Variants in LUZP2 observed in about 807,000 individuals in gnomAD.
The protein encoded by LUZP2 is leucine zipper protein 2.
Under a neutral mutation model 51.6 loss-of-function variants are expected in LUZP2, and 52 were observed. That is an observed-to-expected ratio of 1.01 (90% confidence interval 0.81 to 1.27). The LOEUF (loss-of-function observed/expected upper bound fraction) is 1.27, where lower values mean the gene tolerates loss of function less well. Among genes scored for constraint, LUZP2 ranks in the 50% most tolerant of loss-of-function variants. The probability of loss-of-function intolerance (pLI) is 0.00; values close to 1 mark genes in which losing one functional copy is unlikely to be tolerated. For synonymous variants in LUZP2, 154 were observed against 137.3 expected, an observed-to-expected ratio of 1.12 and a Z score of -0.85; for missense variants, 436 against 395.4, an observed-to-expected ratio of 1.10 and a Z score of -0.87.
chr11:24,681,511 A>G (rs1856736604), intron 1 of LUZP2, among the ~76,000 whole-genome samples: 1 of 152,160 alleles, frequency 6.6e-6, no homozygotes, highest in African/African-American at 2.4e-5. Context: ...TTCCTCATGC[A>G]TAGGAGACAG....
intron 9 of LUZP2, among the ~76,000 whole-genome samples, chr11:25,044,219 ATGTG>A (rs1239215311): frequency 9.4e-6 from 1 of 106,452 alleles, no homozygotes; most frequent in African/African-American, 3.6e-5. Context: ...GTATATATAT[ATGTG>A]TGTGTATGTG....
chr11:24,669,465 C>G (rs1210876254), intron 1 of LUZP2, among the ~76,000 whole-genome samples: 1 of 152,036 alleles, frequency 6.6e-6, no homozygotes, highest in South Asian at 2.1e-4. Flanking sequence ...TTTTATAGAA[C>G]TAACCTTTGG....
chr11:24,549,554 C>G (rs1851662423), intron 1 of LUZP2, among the ~76,000 whole-genome samples: 1 of 152,030 alleles, frequency 6.6e-6, no homozygotes, highest in Non-Finnish European at 1.5e-5. Flanking sequence ...CTATACATAA[C>G]TGTATGTGCA....
intron 1 of LUZP2, among the ~76,000 whole-genome samples, chr11:24,534,684 A>C (rs148840999): frequency 2.3e-4 from 35 of 151,600 alleles, no homozygotes; most frequent in African/African-American, 8.2e-4. Flanking sequence ...TAAATTCCTT[A>C]GCAGACTTAT....
At chr11:24,613,458 T>C (rs1233307265) in intron 1 of LUZP2, among the ~76,000 whole-genome samples, 5 of 152,072 alleles carry the variant, frequency 3.3e-5, no homozygotes, top group Non-Finnish European at 5.9e-5. Context: ...AATGAGCATA[T>C]GTAGTTAAAT....
intron 1 of LUZP2, among the ~76,000 whole-genome samples, chr11:24,640,835 A>G (rs1050306738): frequency 6.6e-6 from 1 of 151,876 alleles, no homozygotes; most frequent in African/African-American, 2.4e-5. Context: ...ATTTATTTCT[A>G]GCAAAATGAA....
At chr11:24,576,499 G>T (rs959116708) in intron 1 of LUZP2, among the ~76,000 whole-genome samples, 3 of 150,910 alleles carry the variant, frequency 2.0e-5, no homozygotes, top group East Asian at 1.9e-4. Context: ...AATCTAAAAG[G>T]TTTACTTGAT....
intron 1 of LUZP2, among the ~76,000 whole-genome samples, chr11:24,530,633 T>G (rs1326364619): frequency 6.6e-6 from 1 of 150,894 alleles, no homozygotes; most frequent in African/African-American, 2.4e-5. Flanking sequence ...TTGTCTCACT[T>G]TCATTATACA....
chr11:25,006,078 G>C (rs1211123564), intron 9 of LUZP2, among the ~76,000 whole-genome samples: 1 of 142,878 alleles, frequency 7.0e-6, no homozygotes, highest in East Asian at 2.0e-4. Flanking sequence ...TCTGAGAAGG[G>C]ATCCTAAAAT....
chr11:24,595,659 A>T (rs1853418830), intron 1 of LUZP2, among the ~76,000 whole-genome samples: 1 of 152,232 alleles, frequency 6.6e-6, no homozygotes, highest in Non-Finnish European at 1.5e-5. Flanking sequence ...CAAAAGCAAG[A>T]TCATAGCTAT....
At position 25,050,147 on chromosome 11, in the gene LUZP2, A is replaced by G. The variant is rs773996650; in HGVS notation, c.858+17A>G. The G allele has an allele frequency of 3.9e-6, 6 of 1,529,962 alleles. No individual in the cohort carries two copies. Among genetic ancestry groups the G allele is most frequent in the Non-Finnish European group, 9.0e-7 (1 of 1,116,482 alleles). 94.8% of individuals were successfully genotyped at this position (1,529,962 alleles called of 1,614,324 possible). A position where few individuals can be genotyped will look rare whatever the true frequency, so the allele number is the denominator to read the frequency against. On this transcript the variant is annotated intron_variant, in intron 10 of 11. Coordinates refer to ENST00000336930, the MANE Select transcript of LUZP2 (RefSeq NM_001009909.4). ...TCTCAAGATGTAAGAAAAACTTAAG[A>G]TGCTTTTTACAGTATTAGACAGGAG...
chr11:24,831,375 A>T (rs986065978), intron 5 of LUZP2, among the ~76,000 whole-genome samples: 31 of 152,170 alleles, frequency 2.0e-4, no homozygotes, highest in Admixed American at 1.6e-3. Context: ...CTTCTGTAGG[A>T]CTTCTTCTTG....
chr11:24,792,493 T>C (rs1181405948), intron 5 of LUZP2, among the ~76,000 whole-genome samples: 1 of 152,096 alleles, frequency 6.6e-6, no homozygotes, highest in Non-Finnish European at 1.5e-5. Context: ...ATTGGACACG[T>C]ACTCTATGTG....
chr11:24,759,246 A>G (rs1040364086), intron 4 of LUZP2, among the ~76,000 whole-genome samples: 1 of 152,110 alleles, frequency 6.6e-6, no homozygotes, highest in Non-Finnish European at 1.5e-5. Flanking sequence ...CAAGCTTTGA[A>G]TCTCATTAAA....
At position 24,883,356 on chromosome 11, in the gene LUZP2, A is replaced by G. The variant is rs144098126; in HGVS notation, c.397-22635A>G. Among the ~76,000 whole-genome samples the G allele has an allele frequency of 1.1e-3, 159 of 138,338 alleles. 2 individuals are homozygous for G. The South Asian group carries it at 0.012, about 10-fold the overall frequency. 90.8% of individuals were successfully genotyped at this position (138,338 alleles called of 152,430 possible). A position where few individuals can be genotyped will look rare whatever the true frequency, so the allele number is the denominator to read the frequency against. On this transcript the variant is annotated intron_variant, in intron 5 of 11. Coordinates refer to ENST00000336930, the MANE Select transcript of LUZP2 (RefSeq NM_001009909.4). ...AAATGTTTATTCTATCAATGCCCCA[A>G]TCAACTCAAACTGACTATCAGCAGG...
intron 5 of LUZP2, among the ~76,000 whole-genome samples, chr11:24,834,316 A>G (rs914018583): frequency 1.3e-5 from 2 of 152,116 alleles, no homozygotes; most frequent in East Asian, 1.9e-4. Flanking sequence ...TCATTTTTCA[A>G]TTCCCACTTG....
chr11:24,996,304 C>A (rs899768152), intron 9 of LUZP2, among the ~76,000 whole-genome samples: 1 of 151,174 alleles, frequency 6.6e-6, no homozygotes, highest in Admixed American at 6.6e-5. Flanking sequence ...CATATTTCCT[C>A]TATCTTTCTC....
intron 9 of LUZP2, among the ~76,000 whole-genome samples, chr11:24,995,315 C>A (rs1856459369): frequency 6.6e-6 from 1 of 152,102 alleles, no homozygotes; most frequent in African/African-American, 2.4e-5. Flanking sequence ...ATGGCTTCAG[C>A]AAGGGGGGCA....
At chr11:24,744,553 A>G (rs1859306570) in intron 4 of LUZP2, among the ~76,000 whole-genome samples, 1 of 152,014 alleles carries the variant, frequency 6.6e-6, no homozygotes, top group Non-Finnish European at 1.5e-5. Context: ...GTCAGTTGTA[A>G]TATCTCCTGT....
Sources: allele counts gnomAD v4.1 joint callset (sites outside exome capture counted in the v4.1 genomes callset), GRCh38; gene constraint gnomAD v4.1.1; transcripts MANE v1.5; gene names NCBI Gene and HGNC (gene_info 2026-07-23, HGNC 2026-07-21).